Variants in EYS observed in about 807,000 individuals in gnomAD.
EYS encodes EGF-like photoreceptor maintenance factor.
EYS carries 250 observed loss-of-function variants against 282.1 expected under a neutral mutation model. That is an observed-to-expected ratio of 0.89 (90% confidence interval 0.80 to 0.98). EYS has a LOEUF of 0.98. EYS is among the 50% of genes least tolerant of loss of function. The pLI is 0.00. For synonymous variants in EYS, 1,355 were observed against 1,282.9 expected (o/e 1.06, Z -1.20); for missense variants, 4,016 against 3,709.0 (o/e 1.08, Z -2.15).
intron 36 of EYS, among the ~76,000 whole-genome samples, chr6:63,839,286 T>C (rs1771888333): frequency 6.6e-6 from 1 of 152,178 alleles, no homozygotes; most frequent in African/African-American, 2.4e-5. Flanking sequence ...CTATTTTAGC[T>C]TCCATATATG....
chr6:65,063,965 T>G (rs1773655301), intron 12 of EYS, among the ~76,000 whole-genome samples: 1 of 151,602 alleles, frequency 6.6e-6, no homozygotes, highest in African/African-American at 2.4e-5. Flanking sequence ...CCTCCTAGAC[T>G]TTATTATTAA....
intron 35 of EYS, among the ~76,000 whole-genome samples, chr6:63,978,826 A>AACTGAAAACCTCAGTAATC (rs1766961672): frequency 6.6e-6 from 1 of 151,978 alleles, no homozygotes; most frequent in African/African-American, 2.4e-5. Context: ...ATGAGTTGGA[A>AACTGAAAACCTCAGTAATC]ACTGAAAACC....
chr6:65,039,816 A>G (rs1261308613), intron 13 of EYS, among the ~76,000 whole-genome samples: 1 of 151,706 alleles, frequency 6.6e-6, no homozygotes, highest in Non-Finnish European at 1.5e-5. Context: ...TTTGCATGTA[A>G]GTGGAATATA....
At chr6:63,788,006 T>C in intron 39 of EYS, 99 bp downstream of exon 39, 1 of 872,516 alleles carries the variant, frequency 1.1e-6, no homozygotes, top group South Asian at 2.1e-5. Context: ...AAGCAATCCA[T>C]ATAGCTGGTT....
At chr6:64,371,079 T>A (rs1561955870) in intron 29 of EYS, among the ~76,000 whole-genome samples, 1 of 152,002 alleles carries the variant, frequency 6.6e-6, no homozygotes, top group Non-Finnish European at 1.5e-5. Context: ...TTTGCTCTTG[T>A]TTTTCTAGTT....
chr6:64,734,306 GA>G (rs997730092), intron 22 of EYS, among the ~76,000 whole-genome samples: 6 of 151,882 alleles, frequency 4.0e-5, no homozygotes, highest in Admixed American at 6.6e-5. Context: ...GTTATCTATA[GA>G]AAAAAATATT....
chr6:65,381,475 G>T (rs968509589), intron 8 of EYS, among the ~76,000 whole-genome samples: 13 of 151,862 alleles, frequency 8.6e-5, no homozygotes, highest in Admixed American at 7.9e-4. Context: ...GGGCAGAGTG[G>T]CAGGAAGGAG....
chr6:63,795,078 A>T (rs1201351379), intron 37 of EYS, among the ~76,000 whole-genome samples: 1 of 152,218 alleles, frequency 6.6e-6, no homozygotes, highest in Non-Finnish European at 1.5e-5. Context: ...GCACAGGAAA[A>T]AAAACTGGAT....
chr6:64,443,791 GT>G (rs1775030631), intron 26 of EYS, among the ~76,000 whole-genome samples: 1 of 152,076 alleles, frequency 6.6e-6, no homozygotes, highest in East Asian at 1.9e-4. Flanking sequence ...GGCCATGATT[GT>G]GAGGCCTCCC....
intron 12 of EYS, among the ~76,000 whole-genome samples, chr6:65,228,189 C>T (rs181048262): frequency 8.6e-4 from 130 of 151,956 alleles, no homozygotes; most frequent in African/African-American, 2.9e-3. Context: ...CATGCAACAT[C>T]GTACTGGAGG....
chr6:65,309,793 C>A (rs1281222315), intron 11 of EYS, among the ~76,000 whole-genome samples: 1 of 152,164 alleles, frequency 6.6e-6, no homozygotes, highest in Non-Finnish European at 1.5e-5. Context: ...CCTCTTACTG[C>A]CAATTTAGCA....
chr6:64,573,986 T>C (rs6939895), intron 26 of EYS, among the ~76,000 whole-genome samples: 3,635 of 152,260 alleles, frequency 0.024, 89 homozygotes, highest in East Asian at 0.11. Flanking sequence ...TGTATGTTTA[T>C]TGCAGGACTA....
intron 2 of EYS, among the ~76,000 whole-genome samples, chr6:65,606,078 AAT>A (rs564750422): frequency 6.6e-6 from 1 of 151,802 alleles, no homozygotes; most frequent in South Asian, 2.1e-4. Flanking sequence ...AAAAACTACC[AAT>A]AGTCGCAAAT....
At chr6:64,754,862 T>C (rs1772881231) in intron 22 of EYS, among the ~76,000 whole-genome samples, 1 of 151,918 alleles carries the variant, frequency 6.6e-6, no homozygotes, top group South Asian at 2.1e-4. Flanking sequence ...TTAAAAACAT[T>C]CCCCCTAAGA....
intron 12 of EYS, among the ~76,000 whole-genome samples, chr6:65,177,037 T>G (rs1171454526): frequency 1.3e-5 from 2 of 151,772 alleles, no homozygotes; most frequent in African/African-American, 2.4e-5. Context: ...TTACTTATTT[T>G]AAAAAGTGTC....
chr6:65,443,009 CAT>C (rs1420597903), intron 5 of EYS, among the ~76,000 whole-genome samples: 3 of 104,278 alleles, frequency 2.9e-5, no homozygotes, highest in Non-Finnish European at 7.3e-5. Flanking sequence ...TATATGTACA[CAT>C]ATCTGTAAAT....
At chr6:64,351,033 C>A (rs1195472057) in intron 29 of EYS, among the ~76,000 whole-genome samples, 1 of 150,720 alleles carries the variant, frequency 6.6e-6, no homozygotes, top group African/African-American at 2.4e-5. Flanking sequence ...TGAGGCCTAC[C>A]CAGCCATGTG....
chr6:65,293,372 C>T (rs2150284590), intron 12 of EYS, among the ~76,000 whole-genome samples: 1 of 151,660 alleles, frequency 6.6e-6, no homozygotes, highest in East Asian at 1.9e-4. Context: ...GAAATTATTT[C>T]CAGAGTTAAA....
intron 10 of EYS, among the ~76,000 whole-genome samples, chr6:65,335,737 A>G (rs928730803): frequency 2.0e-5 from 3 of 151,704 alleles, no homozygotes; most frequent in African/African-American, 7.3e-5. Flanking sequence ...TCTATTTTGA[A>G]CACAGACCTT....
Sources: allele counts gnomAD v4.1 joint callset (sites outside exome capture counted in the v4.1 genomes callset), GRCh38; gene constraint gnomAD v4.1.1; transcripts MANE v1.5; gene names NCBI Gene and HGNC (gene_info 2026-07-23, HGNC 2026-07-21).